PDE4D: variants seen among roughly 807,000 people sequenced by gnomAD.
PDE4D encodes the protein phosphodiesterase 4D, also known as 3',5'-cyclic-AMP phosphodiesterase 4D.
Under a neutral mutation model 87.4 loss-of-function variants are expected in PDE4D, and 24 were observed. That is an observed-to-expected ratio of 0.27 (90% CI 0.20 to 0.39). The LOEUF is 0.39. Among genes scored for constraint, PDE4D ranks in the 10% least tolerant of loss-of-function variants. The pLI is 1.00. For missense variants in PDE4D, 714 were observed against 1,041.0 expected (o/e 0.69, Z 4.32); for synonymous variants, 384 against 383.2 (o/e 1.00, Z -0.02).
chr5:60,455,947 G>T (rs570673265), intron 1 of PDE4D, among the ~76,000 whole-genome samples: 3 of 152,024 alleles, frequency 2.0e-5, no homozygotes, highest in South Asian at 4.1e-4. Context: ...TTGGAGCCAG[G>T]GTTCTCCAGC....
intron 1 of PDE4D, among the ~76,000 whole-genome samples, chr5:59,842,231 A>G (rs1020061225): frequency 1.3e-5 from 2 of 152,012 alleles, no homozygotes; most frequent in African/African-American, 4.8e-5. Flanking sequence ...CAAAATGTTA[A>G]GAAGGCAGAA....
intron 3 of PDE4D, among the ~76,000 whole-genome samples, chr5:59,950,073 G>T (rs1758137740): frequency 6.6e-6 from 1 of 152,154 alleles, no homozygotes; most frequent in South Asian, 2.1e-4. Context: ...TACAGAACTG[G>T]TCTGATGGTA....
chr5:59,703,358 T>C (rs1357326918), intron 1 of PDE4D, among the ~76,000 whole-genome samples: 1 of 152,186 alleles, frequency 6.6e-6, no homozygotes, highest in East Asian at 1.9e-4. Flanking sequence ...TTTTTATTAT[T>C]CATATCCTTG....
chr5:59,506,691 G>T lies in PDE4D; in HGVS notation c.456-290723C>A, dbSNP rs180771572. Among the ~76,000 whole-genome samples the T allele has an allele frequency of 3.5e-4, 53 of 152,174 alleles. 1 individual carries two copies. In the East Asian group the frequency reaches 8.3e-3, roughly 24 times the overall value. ...CAAAAGTCCAGAAAAAAAAATTAATGCACAGAATCACTAGACATCAGTGAA... is the reference window on the plus strand; with the variant it reads ...CAAAAGTCCAGAAAAAAAAATTAATTCACAGAATCACTAGACATCAGTGAA... On this transcript the variant is annotated intron_variant, in intron 1 of 14. Transcript: ENST00000340635.
chr5:59,080,970 T>C (rs979427950), intron 5 of PDE4D, among the ~76,000 whole-genome samples: 3 of 152,196 alleles, frequency 2.0e-5, no homozygotes, highest in African/African-American at 2.4e-5. Context: ...AAGTTCTTCA[T>C]TGACATCCCA....
At chr5:59,771,433 A>AAG (rs758826036) in intron 1 of PDE4D, among the ~76,000 whole-genome samples, 1,127 of 93,702 alleles carry the variant, frequency 0.012, 47 homozygotes, top group African/African-American at 0.044. Context: ...AAGAAAAAGA[A>AAG]AAAGAAAGAA....
At chr5:59,724,486 G>GT (rs1438761906) in intron 1 of PDE4D, among the ~76,000 whole-genome samples, 1 of 151,988 alleles carries the variant, frequency 6.6e-6, no homozygotes, top group African/African-American at 2.4e-5. Context: ...ATGATAGGTA[G>GT]TTTTTTGAGA....
chr5:60,155,333 A>G (rs945542226), intron 2 of PDE4D, among the ~76,000 whole-genome samples: 3 of 152,112 alleles, frequency 2.0e-5, no homozygotes, highest in African/African-American at 7.2e-5. Context: ...GTTTTCCTCA[A>G]TGATTAGATT....
At chr5:59,221,648 A>G (rs1027379153) in intron 1 of PDE4D, among the ~76,000 whole-genome samples, 3 of 152,096 alleles carry the variant, frequency 2.0e-5, no homozygotes, top group Non-Finnish European at 2.9e-5. Context: ...AAAAGTTTTC[A>G]TATGACCCAA....
chr5:58,982,079 A>T (rs1745298534), intron 11 of PDE4D, among the ~76,000 whole-genome samples: 1 of 152,160 alleles, frequency 6.6e-6, no homozygotes, highest in African/African-American at 2.4e-5. Context: ...CCTCCTTCTG[A>T]AACTAAGACC....
At chr5:59,926,820 A>G (rs1481196968) in intron 3 of PDE4D, among the ~76,000 whole-genome samples, 2 of 152,230 alleles carry the variant, frequency 1.3e-5, no homozygotes, top group African/African-American at 4.8e-5. Flanking sequence ...CCAAGATTGA[A>G]CCATGAAGTC....
chr5:59,409,142 C>CT (rs1450978594), intron 1 of PDE4D, among the ~76,000 whole-genome samples: 2 of 143,320 alleles, frequency 1.4e-5, no homozygotes, highest in African/African-American at 5.2e-5. Context: ...AGCGAGACTC[C>CT]ATTTCAAAAA....
At chr5:59,187,461 C>A (rs1271461021) in intron 3 of PDE4D, among the ~76,000 whole-genome samples, 1 of 152,070 alleles carries the variant, frequency 6.6e-6, no homozygotes, top group African/African-American at 2.4e-5. Context: ...TGGGGAGGGA[C>A]ACTCAGGGGA....
intron 1 of PDE4D, among the ~76,000 whole-genome samples, chr5:59,856,013 C>A (rs1333354046): frequency 6.6e-6 from 1 of 151,974 alleles, no homozygotes; most frequent in East Asian, 1.9e-4. Flanking sequence ...AAGAGAATTA[C>A]CCTCCAAAAA....
chr5:59,964,727 CT>C (rs1477704768), intron 3 of PDE4D, among the ~76,000 whole-genome samples: 1 of 152,090 alleles, frequency 6.6e-6, no homozygotes, highest in Admixed American at 6.6e-5. Flanking sequence ...CACAGAAACT[CT>C]TGTTGCACTC....
At chr5:59,180,714 T>C (rs1055564942) in intron 4 of PDE4D, 70 bp from the exon 5 acceptor site, 4 of 1,327,214 alleles carry the variant, frequency 3.0e-6, no homozygotes, top group Non-Finnish European at 4.3e-6. Flanking sequence ...CTCTGAGTCA[T>C]TTCAGATATA....
chr5:59,551,282 ATATAT>A (rs1044095792), intron 1 of PDE4D, among the ~76,000 whole-genome samples: 24 of 149,430 alleles, frequency 1.6e-4, no homozygotes, highest in Middle Eastern at 3.6e-3. Context: ...TAATAAAATT[ATATAT>A]TATATATTAA....
rs560408893 is a variant in PDE4D, at chr5:59,292,131, C to A, written c.456-76163G>T. ...TGGGGAAAGAATATGAAAAAGTTCT[C>A]CCACCCAAGACCATGAAATTTAAGC... On this transcript the variant is annotated intron_variant, in intron 1 of 14. Transcript: ENST00000340635. Among the ~76,000 whole-genome samples the A allele has an allele frequency of 2.3e-4, 35 of 152,142 alleles. 2 individuals carry two copies. In the South Asian group the frequency reaches 7.1e-3, roughly 31 times the overall value.
intron 5 of PDE4D, among the ~76,000 whole-genome samples, chr5:59,056,816 A>G (rs1762449102): frequency 6.6e-6 from 1 of 152,142 alleles, no homozygotes; most frequent in Non-Finnish European, 1.5e-5. Flanking sequence ...TCCATGGTGT[A>G]TATGTGCCAC....
Sources: allele counts gnomAD v4.1 joint callset (sites outside exome capture counted in the v4.1 genomes callset), GRCh38; gene constraint gnomAD v4.1.1; transcripts MANE v1.5; gene names NCBI Gene and HGNC (gene_info 2026-07-23, HGNC 2026-07-21).